The following FRAS1 variants were observed in gnomAD, a reference collection of about 807,000 sequenced individuals.
The protein encoded by FRAS1 is extracellular matrix organizing protein FRAS1.
In FRAS1, 290 loss-of-function variants were observed where a neutral mutation model predicts 435.2. That is an observed-to-expected ratio of 0.67 (90% CI 0.61 to 0.73). The LOEUF is 0.73. Ranked by LOEUF, FRAS1 falls within the 30% of genes least tolerant of loss-of-function variation. The pLI is 0.00. For missense variants in FRAS1, 4,860 were observed against 5,001.5 expected (o/e 0.97, Z 0.85); for synonymous variants, 1,800 against 1,851.0 (o/e 0.97, Z 0.71).
chr4:78,397,743 C>A (rs1178851921), intron 29 of FRAS1, among the ~76,000 whole-genome samples: 1 of 152,162 alleles, frequency 6.6e-6, no homozygotes, highest in Non-Finnish European at 1.5e-5. Flanking sequence ...ACATATTAAT[C>A]CCTTCAGTGT....
intron 14 of FRAS1, among the ~76,000 whole-genome samples, chr4:78,299,089 CGTT>C (rs1165853944): frequency 6.6e-6 from 1 of 152,116 alleles, no homozygotes; most frequent in Non-Finnish European, 1.5e-5. Context: ...GAGCCAGCGA[CGTT>C]GTGGGCTGGG....
chr4:78,498,706 T>A (rs1261792064), intron 60 of FRAS1, among the ~76,000 whole-genome samples: 1 of 152,102 alleles, frequency 6.6e-6, no homozygotes, highest in East Asian at 1.9e-4. Context: ...ATACTCAAAA[T>A]GGTATAAAAG....
At chr4:78,104,575 G>C (rs559940101) in intron 2 of FRAS1, among the ~76,000 whole-genome samples, 17 of 152,266 alleles carry the variant, frequency 1.1e-4, no homozygotes, top group African/African-American at 4.1e-4. Flanking sequence ...ACTTGCTTTC[G>C]TGTTGCCTGT....
chr4:78,488,930 C>T lies in FRAS1; in HGVS notation c.8808C>T (p.Val2936=). The change falls in exon 59 of 74, where the codon GTC becomes GTT. Residue 2936 remains valine (V), a synonymous_variant. Transcript: ENST00000512123. ...DLLLVKEKEG[V]LHVPITRSGD... ...TCCTAGTGAAGGAGAAGGAGGGTGT[C>T]CTGCATGTCCCTATCACTCGGAGCG... 6.2e-7 allele frequency: 1 copy of T among 1,613,404 alleles called. No homozygotes were observed. The highest frequency in any genetic ancestry group is 8.5e-7 in the Non-Finnish European group (1 of 1,179,690).
intron 18 of FRAS1, among the ~76,000 whole-genome samples, chr4:78,320,780 G>A (rs1729472663): frequency 6.6e-6 from 1 of 151,906 alleles, no homozygotes. Flanking sequence ...GTTTTTAGTG[G>A]AAACCACAGA....
At chr4:78,340,144 T>A (rs1349953526) in intron 20 of FRAS1, among the ~76,000 whole-genome samples, 3 of 152,198 alleles carry the variant, frequency 2.0e-5, no homozygotes, top group Non-Finnish European at 4.4e-5. Flanking sequence ...TTAAGGCTAA[T>A]AGGGAACCTT....
At chr4:78,396,729 C>A (rs982216757) in intron 29 of FRAS1, among the ~76,000 whole-genome samples, 11 of 152,130 alleles carry the variant, frequency 7.2e-5, no homozygotes, top group Non-Finnish European at 1.6e-4. Context: ...TGTTATTACT[C>A]CTCTGACTGG....
chr4:78,092,773 A>G (rs894422953), intron 2 of FRAS1, among the ~76,000 whole-genome samples: 1 of 152,214 alleles, frequency 6.6e-6, no homozygotes, highest in African/African-American at 2.4e-5. Flanking sequence ...TTTTTCTGTG[A>G]AGCAAAATTT....
intron 2 of FRAS1, among the ~76,000 whole-genome samples, chr4:78,094,367 C>T (rs749691011): frequency 3.9e-5 from 6 of 151,990 alleles, no homozygotes; most frequent in Non-Finnish European, 7.4e-5. Flanking sequence ...ATTAAAGTCA[C>T]AGGCAACATA....
chr4:78,068,040 A>G (rs1242535313), intron 2 of FRAS1, among the ~76,000 whole-genome samples: 1 of 152,036 alleles, frequency 6.6e-6, no homozygotes, highest in Non-Finnish European at 1.5e-5. Flanking sequence ...TATGCAATTC[A>G]GTCTGAGAGA....
chr4:78,073,128 G>C (rs1740446094), intron 2 of FRAS1, among the ~76,000 whole-genome samples: 3 of 152,162 alleles, frequency 2.0e-5, no homozygotes, highest in African/African-American at 7.2e-5. Context: ...TTGGGCTCTA[G>C]CTGTCTCTGA....
chr4:78,252,286 A>G, intron 4 of FRAS1, 106 bp from the exon 5 acceptor site: 1 of 1,123,008 alleles, frequency 8.9e-7, no homozygotes, highest in South Asian at 1.5e-5. Flanking sequence ...CCTTTCCCTG[A>G]GCTCCATCCT....
intron 14 of FRAS1, among the ~76,000 whole-genome samples, chr4:78,290,486 G>A (rs6830325): frequency 6.7e-5 from 10 of 149,278 alleles, no homozygotes; most frequent in East Asian, 2.0e-4. Context: ...AGAGGGAGTC[G>A]CGCTCTGTCA....
Position 78,232,064 on chromosome 4 carries a change from A to C in FRAS1, c.109-5446A>C, listed in dbSNP as rs1044971500. 5.3e-5 allele frequency among the ~76,000 whole-genome samples: 8 copies of C among 152,290 alleles called. No homozygotes were observed. The East Asian group carries it at 1.5e-3, about 29-fold the overall frequency. ...GAAAATCTGTAAAACTTAGTTTACA[A>C]TGTTATTACTTTGGATTTTATGGCT... On this transcript the variant is annotated intron_variant, in intron 2 of 73. Transcript: ENST00000512123.
chr4:78,368,389 A>G (rs1731363386), intron 22 of FRAS1, among the ~76,000 whole-genome samples: 1 of 151,216 alleles, frequency 6.6e-6, no homozygotes, highest in African/African-American at 2.4e-5. Context: ...CTTTGATATC[A>G]TATAGATCTA....
In FRAS1 at chr4:78,327,063, A is replaced by G. The variant is rs137884703; in HGVS notation, c.2138-6209A>G. Among the ~76,000 whole-genome samples, 867 of 152,316 alleles carry G rather than the reference A, an allele frequency of 5.7e-3. 6 individuals carry two copies. The highest frequency in any genetic ancestry group is 0.02 in the African/African-American group (826 of 41,564). On this transcript the variant is annotated intron_variant, in intron 18 of 73. Transcript: ENST00000512123. The stretch of plus-strand genomic sequence containing the variant: ...TTGAATCATGTTCATTTAAAAAAAG[A>G]AAACACAAAAAGACTGAGCACAGTG...
chr4:78,513,359 G>A (rs1226351301), intron 64 of FRAS1, 33 bp from the exon 65 acceptor site: 14 of 1,610,276 alleles, frequency 8.7e-6, no homozygotes, highest in Non-Finnish European at 1.2e-5. Flanking sequence ...ATAGCAGTCA[G>A]CTAAACATTT....
intron 37 of FRAS1, 84 bp downstream of exon 37, chr4:78,430,501 G>A: frequency 7.1e-7 from 1 of 1,398,868 alleles, no homozygotes; most frequent in Non-Finnish European, 9.7e-7. Context: ...TCTCAGACGA[G>A]AGCAAAGCGT....
chr4:78,191,578 G>T (rs201365168), intron 2 of FRAS1, among the ~76,000 whole-genome samples: 45 of 146,100 alleles, frequency 3.1e-4, no homozygotes, highest in Non-Finnish European at 5.2e-4. Flanking sequence ...TTTAGGGTTC[G>T]TGTGCACAAC....
Sources: gnomAD v4.1 joint callset for allele counts (sites outside exome capture counted in the v4.1 genomes callset) on GRCh38, gnomAD v4.1.1 for gene constraint, MANE v1.5 for transcripts, NCBI Gene and HGNC (gene_info 2026-07-23, HGNC 2026-07-21) for gene names.